The following OPRM1 variants were observed in gnomAD, a reference collection of about 807,000 sequenced individuals.
OPRM1 encodes the protein mu-type opioid receptor.
A neutral mutation model predicts 31.8 loss-of-function variants in OPRM1; 27 were observed. The observed-to-expected ratio is 0.85, with a 90% CI of 0.63 to 1.17. OPRM1 has a LOEUF of 1.17. Among genes scored for constraint, OPRM1 ranks in the 50% most tolerant of loss-of-function variants. OPRM1 has a pLI of 0.00. For missense variants in OPRM1, 536 were observed against 511.1 expected, an observed-to-expected ratio of 1.05 and a Z score of -0.47; for synonymous variants, 196 against 189.9, an observed-to-expected ratio of 1.03 and a Z score of -0.26.
intron 3 of OPRM1, chr6:154,094,071 A>T (rs1456254137): frequency 2.3e-6 from 1 of 439,964 alleles, no homozygotes; most frequent in Non-Finnish European, 4.2e-6. Context: ...TTTGCATTTA[A>T]CTTTTCAACT....
At chr6:154,046,036 A>G (rs1433526959) in intron 1 of OPRM1, among the ~76,000 whole-genome samples, 1 of 152,126 alleles carries the variant, frequency 6.6e-6, no homozygotes, top group Non-Finnish European at 1.5e-5. Flanking sequence ...ACCTTCACAC[A>G]AGGTCGTATC....
intron 1 of OPRM1, among the ~76,000 whole-genome samples, chr6:154,053,027 C>T (rs1782515654): frequency 6.6e-6 from 1 of 152,108 alleles, no homozygotes; most frequent in South Asian, 2.1e-4. Context: ...TCTATTTCAC[C>T]CCAGGCCTCC....
chr6:154,039,592 CT>C lies in OPRM1; in HGVS notation c.50del (p.Leu17TrpfsTer21). On this transcript the variant is annotated frameshift_variant, in exon 1 of 4. Coordinates refer to ENST00000330432, the MANE Select transcript of OPRM1 (RefSeq NM_000914.5). LOFTEE classifies it high-confidence loss of function. ...CGAACGCCAGCAATTGCACTGATGC[CT>C]TGGCGTACTCAAGTTGCTCCCCAGC... ...PTNASNCTDA[L>X]AYSSCSPAPS... 1 of 1,613,906 alleles carries C rather than the reference CT, an allele frequency of 6.2e-7. No homozygotes were observed. Among genetic ancestry groups the C allele is most frequent in the Non-Finnish European group, 8.5e-7 (1 of 1,179,902 alleles).
chr6:154,161,779 A>G (rs1277733177), intron 3 of OPRM1, among the ~76,000 whole-genome samples: 1 of 152,184 alleles, frequency 6.6e-6, no homozygotes. Flanking sequence ...AGTGCCATGT[A>G]GACATTCAAT....
chr6:154,172,065 T>C (rs1374210734), intron 3 of OPRM1, among the ~76,000 whole-genome samples: 1 of 152,186 alleles, frequency 6.6e-6, no homozygotes, highest in Admixed American at 6.5e-5. Flanking sequence ...CTACTAAAGA[T>C]TGTGATAGAA....
rs1257798162 is a variant in OPRM1, at chr6:154,125,608, C to A, written c.*6887C>A. ...GGAATGTTTAGCAAAAAAAACCTTC[C>A]AGAGAAAGGTGGTTTCCAATATTAC... On this transcript the variant is annotated 3_prime_UTR_variant, in exon 4 of 4. Coordinates refer to ENST00000330432, the MANE Select transcript of OPRM1 (RefSeq NM_000914.5). Among the ~76,000 whole-genome samples, 2 of 152,116 alleles carry A rather than the reference C, an allele frequency of 1.3e-5. No homozygotes were observed. The highest frequency in any genetic ancestry group is 4.8e-5 in the African/African-American group (2 of 41,424).
At chr6:154,118,102 T>C (rs1797065870) in intron 3 of OPRM1, among the ~76,000 whole-genome samples, 1 of 152,198 alleles carries the variant, frequency 6.6e-6, no homozygotes, top group Non-Finnish European at 1.5e-5. Flanking sequence ...TTTTCTTACC[T>C]GAAAATAGCA....
chr6:154,057,562 T>A (rs528250122), intron 1 of OPRM1, among the ~76,000 whole-genome samples: 3 of 152,202 alleles, frequency 2.0e-5, no homozygotes, highest in Non-Finnish European at 4.4e-5. Flanking sequence ...AGGTATTATT[T>A]ATGTCTCAGA....
At chr6:154,073,358 A>T (rs1385317034) in intron 1 of OPRM1, among the ~76,000 whole-genome samples, 1 of 152,200 alleles carries the variant, frequency 6.6e-6, no homozygotes, top group Non-Finnish European at 1.5e-5. Flanking sequence ...CTGGGAAACT[A>T]GCACTTCTCT....
intron 1 of OPRM1, among the ~76,000 whole-genome samples, chr6:154,033,217 A>G (rs1182226350): frequency 6.6e-6 from 1 of 152,204 alleles, no homozygotes; most frequent in Non-Finnish European, 1.5e-5. Context: ...AAAGACTAAA[A>G]CACCAATAGG....
At chr6:154,152,347 G>GGAAA (rs71021028) in intron 3 of OPRM1, among the ~76,000 whole-genome samples, 77 of 65,182 alleles carry the variant, frequency 1.2e-3, no homozygotes, top group African/African-American at 3.0e-3. Flanking sequence ...AAGAAAGAAA[G>GGAAA]GAAAGAAAGA....
Position 154,090,084 on chromosome 6 carries a change from C to T in OPRM1, c.549C>T (p.Pro183=), listed in dbSNP as rs1583477806. ...HPVKALDFRT[P]RNAKIINVCN... ...TCAAGGCCTTAGATTTCCGTACTCC[C>T]CGAAATGCCAAAATTATCAATGTCT... The change falls in exon 2 of 4, where the codon CCC becomes CCT. Residue 183 remains proline, a synonymous_variant. Transcript: ENST00000330432. 2 of 1,614,138 alleles carry T rather than the reference C, an allele frequency of 1.2e-6. No homozygotes were observed. Among genetic ancestry groups the T allele is most frequent in the Non-Finnish European group, 1.7e-6 (2 of 1,180,022 alleles).
At chr6:154,233,217 C>G (rs1583864059) in intron 3 of OPRM1, among the ~76,000 whole-genome samples, 1 of 152,160 alleles carries the variant, frequency 6.6e-6, no homozygotes, top group African/African-American at 2.4e-5. Context: ...GATCTGCCCG[C>G]CTCAGCCTCC....
At chr6:154,206,299 C>T (rs984958408) in intron 3 of OPRM1, among the ~76,000 whole-genome samples, 2 of 152,170 alleles carry the variant, frequency 1.3e-5, no homozygotes, top group African/African-American at 4.8e-5. Context: ...CAAATGAAAT[C>T]ATTCTTCTCA....
In OPRM1 at chr6:154,131,942, G is replaced by GTTTTTTTTTTTTTTT. The variant is rs11301836; in HGVS notation, c.*13222_*13236dup. On this transcript the variant is annotated 3_prime_UTR_variant, in exon 4 of 4. Coordinates refer to ENST00000330432, the MANE Select transcript of OPRM1 (RefSeq NM_000914.5). The stretch of plus-strand genomic sequence containing the variant: ...CTGGGAGTTTTTCTATAAGTTTTTG[G>GTTTTTTTTTTTTTTT]TTTTTTTTTTTTTTTCTCTTCATTA... Among the ~76,000 whole-genome samples, 3 of 137,334 alleles carry GTTTTTTTTTTTTTTT rather than the reference G, an allele frequency of 2.2e-5. No homozygotes were observed. Among genetic ancestry groups the GTTTTTTTTTTTTTTT allele is most frequent in the African/African-American group, 2.7e-5 (1 of 37,656 alleles). 90.1% of individuals were successfully genotyped at this position (137,334 alleles called of 152,430 possible). A position where few individuals can be genotyped will look rare whatever the true frequency, so the allele number is the denominator to read the frequency against.
intron 1 of OPRM1, chr6:154,011,122 A>G: frequency 9.6e-7 from 1 of 1,043,614 alleles, no homozygotes; most frequent in East Asian, 6.0e-5. Flanking sequence ...AATGCTATAC[A>G]TTCTACCTTG....
At chr6:154,108,768 A>G in intron 3 of OPRM1, 1 of 985,302 alleles carries the variant, frequency 1.0e-6, no homozygotes, top group South Asian at 4.7e-5. Flanking sequence ...CCCGCTTTAT[A>G]AACTTTTAAT....
intron 1 of OPRM1, among the ~76,000 whole-genome samples, chr6:154,053,898 T>C (rs2128420300): frequency 6.6e-6 from 1 of 152,326 alleles, no homozygotes; most frequent in Non-Finnish European, 1.5e-5. Flanking sequence ...TGGATCTAAA[T>C]TCTAGCAAGG....
intron 3 of OPRM1, among the ~76,000 whole-genome samples, chr6:154,100,129 GACATATAAT>G (rs1794497610): frequency 3.5e-5 from 1 of 28,268 alleles, no homozygotes; most frequent in Admixed American, 4.7e-4. Flanking sequence ...ATCATATTAT[GACATATAAT>G]ATATATTATC....
Sources: gnomAD v4.1 joint callset for allele counts (sites outside exome capture counted in the v4.1 genomes callset) on GRCh38, gnomAD v4.1.1 for gene constraint, MANE v1.5 for transcripts, NCBI Gene and HGNC (gene_info 2026-07-23, HGNC 2026-07-21) for gene names.